The following CADPS2 variants were observed in gnomAD, a reference collection of about 807,000 sequenced individuals.
CADPS2 encodes the protein calcium dependent secretion activator 2, also known as calcium-dependent secretion activator 2.
CADPS2 carries 93 observed loss-of-function variants against 172.5 expected under a neutral mutation model. The ratio of observed to expected loss-of-function variants is 0.54; its 90% confidence interval spans 0.46 to 0.64. CADPS2 has a LOEUF of 0.64. CADPS2 is among the 30% of genes least tolerant of loss of function. The pLI, the probability that CADPS2 is intolerant of heterozygous loss-of-function variation, is 0.00. For synonymous variants in CADPS2, 546 were observed against 555.2 expected, an observed-to-expected ratio of 0.98 and a Z score of 0.23; for missense variants, 1,420 against 1,565.9, an observed-to-expected ratio of 0.91 and a Z score of 1.57.
intron 16 of CADPS2, 125 bp from the exon 17 acceptor site, chr7:122,438,589 A>G: frequency 1.8e-6 from 2 of 1,121,754 alleles, no homozygotes; most frequent in South Asian, 1.5e-5. Flanking sequence ...TGATCTGACT[A>G]TTATTAGGGA....
chr7:122,771,980 T>TG (rs2093717612), intron 1 of CADPS2, among the ~76,000 whole-genome samples: 1 of 152,100 alleles, frequency 6.6e-6, no homozygotes, highest in Non-Finnish European at 1.5e-5. Context: ...ACAGTTCCAA[T>TG]AGACCAGGTG....
intron 8 of CADPS2, among the ~76,000 whole-genome samples, chr7:122,520,380 T>A (rs2060692614): frequency 6.6e-6 from 1 of 151,916 alleles, no homozygotes; most frequent in South Asian, 2.1e-4. Context: ...AATATTCTGA[T>A]TTCTTTTCTT....
chr7:122,360,871 AT>A, intron 26 of CADPS2, 51 bp from the exon 27 acceptor site: 1 of 1,595,970 alleles, frequency 6.3e-7, no homozygotes, highest in Non-Finnish European at 8.6e-7. Context: ...TTTAACTGCC[AT>A]ATAAGTACTA....
rs1217518549 is a variant in CADPS2 at position 122,663,493 on chromosome 7, A to C, written c.530T>G (p.Phe177Cys). The C allele has an allele frequency of 6.2e-7, 1 of 1,613,286 alleles. No individual in the cohort carries two copies. The highest frequency in any genetic ancestry group is 8.5e-7 in the Non-Finnish European group (1 of 1,179,540). ...CACACGTTTTTCTATGTTTTTCTTA[A>C]ATACTTCTCTGAAGTCATTAGCAGA... is the stretch of plus-strand genomic sequence containing the variant. ...GCSANDFREVFKKNIEKRVRS... is the reference protein window; with the variant it reads ...GCSANDFREVCKKNIEKRVRS... Residue 177 changes from phenylalanine to cysteine, a missense_variant, in exon 3 of 30, where the codon TTT (phenylalanine) becomes TGT (cysteine). Phe to Cys is a radical substitution (Grantham distance 205, BLOSUM62 -2). Transcript: ENST00000449022.
intron 2 of CADPS2, among the ~76,000 whole-genome samples, chr7:122,728,418 T>A (rs1460289947): frequency 6.6e-6 from 1 of 151,856 alleles, no homozygotes; most frequent in Non-Finnish European, 1.5e-5. Flanking sequence ...ATGATACCAA[T>A]CTGATAGCTG....
intron 3 of CADPS2, among the ~76,000 whole-genome samples, chr7:122,632,170 G>A (rs2076638890): frequency 6.6e-6 from 1 of 152,098 alleles, no homozygotes. Flanking sequence ...GACCATATGG[G>A]TGCAAGTGTC....
At chr7:122,409,531 G>T in intron 19 of CADPS2, 1 of 320,694 alleles carries the variant, frequency 3.1e-6, no homozygotes. Context: ...AAATTTCATT[G>T]TTTTGCAGAA....
chr7:122,770,317 T>C (rs1589101099), intron 1 of CADPS2, among the ~76,000 whole-genome samples: 2 of 152,112 alleles, frequency 1.3e-5, no homozygotes, highest in East Asian at 1.9e-4. Flanking sequence ...AATACTGTTA[T>C]AGAAAAAAAG....
intron 2 of CADPS2, among the ~76,000 whole-genome samples, chr7:122,693,568 T>C: frequency 6.6e-6 from 1 of 152,154 alleles, no homozygotes; most frequent in East Asian, 1.9e-4. Flanking sequence ...CCAGATGTCA[T>C]GAATGCATCC....
intron 1 of CADPS2, among the ~76,000 whole-genome samples, chr7:122,760,713 C>A (rs918119411): frequency 3.4e-5 from 5 of 148,860 alleles, no homozygotes; most frequent in African/African-American, 1.2e-4. Flanking sequence ...ATCGCAAGGA[C>A]AAAAAACCAA....
intron 28 of CADPS2, among the ~76,000 whole-genome samples, chr7:122,335,031 T>C (rs2035620903): frequency 6.6e-6 from 1 of 152,190 alleles, no homozygotes; most frequent in African/African-American, 2.4e-5. Context: ...TAGATTCCTA[T>C]TGAGTAATTG....
intron 20 of CADPS2, among the ~76,000 whole-genome samples, chr7:122,404,712 G>A (rs1055214952): frequency 1.3e-5 from 2 of 152,158 alleles, no homozygotes; most frequent in African/African-American, 4.8e-5. Flanking sequence ...GTATCTCATT[G>A]TGGTTTTGAT....
chr7:122,563,399 A>G (rs968682538), intron 7 of CADPS2, among the ~76,000 whole-genome samples: 2 of 152,138 alleles, frequency 1.3e-5, no homozygotes, highest in African/African-American at 4.8e-5. Flanking sequence ...AGTGTCTTGG[A>G]ATGCTTTGTG....
intron 1 of CADPS2, among the ~76,000 whole-genome samples, chr7:122,793,013 CT>C (rs1271216505): frequency 3.9e-5 from 6 of 152,112 alleles, no homozygotes; most frequent in African/African-American, 1.2e-4. Context: ...AATGCTGTAC[CT>C]TTCAGCCATA....
At chr7:122,719,434 G>C (rs1256213500) in intron 2 of CADPS2, among the ~76,000 whole-genome samples, 1 of 152,108 alleles carries the variant, frequency 6.6e-6, no homozygotes, top group Non-Finnish European at 1.5e-5. Context: ...GTTCACACCA[G>C]AGCTGCCACC....
At chr7:122,852,702 G>C (rs1042296773) in intron 1 of CADPS2, among the ~76,000 whole-genome samples, 2 of 152,158 alleles carry the variant, frequency 1.3e-5, no homozygotes, top group Admixed American at 6.5e-5. Flanking sequence ...AGCAGAGAGA[G>C]CAAGGGGGAG....
chr7:122,837,280 T>C (rs1230874155), intron 1 of CADPS2, among the ~76,000 whole-genome samples: 1 of 152,078 alleles, frequency 6.6e-6, no homozygotes, highest in East Asian at 1.9e-4. Context: ...TTTAAAGCAG[T>C]GGGTAGAGGG....
chr7:122,698,664 T>A, intron 2 of CADPS2: 2 of 1,614,058 alleles, frequency 1.2e-6, no homozygotes, highest in Non-Finnish European at 1.7e-6. Flanking sequence ...TGGGATTACA[T>A]GCATTTTGGA....
intron 6 of CADPS2, among the ~76,000 whole-genome samples, chr7:122,593,036 C>A (rs1030626691): frequency 1.3e-5 from 2 of 151,198 alleles, no homozygotes; most frequent in Admixed American, 6.6e-5. Context: ...GAAATTCCAA[C>A]TTGAGATATC....
Sources: allele counts gnomAD v4.1 joint callset (sites outside exome capture counted in the v4.1 genomes callset), GRCh38; gene constraint gnomAD v4.1.1; transcripts MANE v1.5; gene names NCBI Gene and HGNC (gene_info 2026-07-23, HGNC 2026-07-21).